The following SRL variants were observed in gnomAD, a reference collection of about 807,000 sequenced individuals.
SRL encodes sarcalumenin.
A neutral mutation model predicts 39.5 loss-of-function variants in SRL; 23 were observed. The observed-to-expected ratio is 0.58, with a 90% CI of 0.42 to 0.82. The LOEUF is 0.82. Ranked by LOEUF, SRL falls within the 40% of genes least tolerant of loss-of-function variation. The probability of loss-of-function intolerance (pLI) is 0.00; values close to 1 mark genes in which losing one functional copy is unlikely to be tolerated. For synonymous variants in SRL, 272 were observed against 237.4 expected, an observed-to-expected ratio of 1.15 and a Z score of -1.34; for missense variants, 592 against 607.8, an observed-to-expected ratio of 0.97 and a Z score of 0.27.
intron 1 of SRL, among the ~76,000 whole-genome samples, chr16:4,235,354 A>G (rs1427439471): frequency 6.6e-6 from 1 of 152,216 alleles, no homozygotes; most frequent in Non-Finnish European, 1.5e-5. Context: ...ACACATCATG[A>G]AGGGGACCTG....
rs770311671 is a variant in SRL, at chr16:4,189,507, C to T, written c.*2646G>A. 2 of 152,182 alleles carry T rather than the reference C, an allele frequency of 1.3e-5. No homozygotes were observed. Among genetic ancestry groups the T allele is most frequent in the Non-Finnish European group, 2.9e-5 (2 of 68,116 alleles). 9.4% of individuals were successfully genotyped at this position (152,182 alleles called of 1,614,324 possible). The stretch of plus-strand genomic sequence containing the variant: ...GGGAATCTCTGGATCATTAAGTTTC[C>T]CCCAGTTCCTAATCCCCCACCCCAA... On this transcript the variant is annotated 3_prime_UTR_variant, in exon 6 of 6. Coordinates refer to ENST00000399609, the MANE Select transcript of SRL (RefSeq NM_001098814.2).
intron 4 of SRL, among the ~76,000 whole-genome samples, 178 bp from the exon 5 acceptor site, chr16:4,195,964 C>CT (rs1222358715): frequency 2.0e-5 from 3 of 151,836 alleles, no homozygotes; most frequent in East Asian, 1.9e-4. Context: ...TAAAATTTAC[C>CT]TTTTTTTTCT....
chr16:4,241,882 G>A (rs2052776695), intron 1 of SRL, 125 bp downstream of exon 1: 6 of 987,654 alleles, frequency 6.1e-6, no homozygotes, highest in Non-Finnish European at 9.2e-6. Flanking sequence ...AGGGTAAGAA[G>A]ACACCAGCCA....
At position 4,195,672 on chromosome 16, in the gene SRL, T is replaced by C. The variant is rs959310179; in HGVS notation, c.491A>G (p.Lys164Arg). ...DSARSFSPLE[K>R]FGQNFLEKLI... ...CTTCTCTAGGAAATTCTGGCCAAAC[T>C]TCTCAAGGGGTGAGAAGGAACGGGC... is the stretch of plus-strand genomic sequence containing the variant. The change falls in exon 5 of 6, where the codon AAG (lysine) becomes AGG (arginine). Residue 164 changes from lysine to arginine, a missense_variant. By Grantham distance (26) the Lys-to-Arg change is conservative. Transcript: ENST00000399609. The C allele has an allele frequency of 1.2e-6, 2 of 1,614,132 alleles. No homozygotes were observed. The highest frequency in any genetic ancestry group is 1.7e-6 in the Non-Finnish European group (2 of 1,180,026).
At chr16:4,238,968 A>C (rs2052743457) in intron 1 of SRL, among the ~76,000 whole-genome samples, 1 of 152,114 alleles carries the variant, frequency 6.6e-6, no homozygotes, top group African/African-American at 2.4e-5. Context: ...GACCCAGTCT[A>C]GTGCATTCCA....
At chr16:4,193,444 C>T (rs1332896859) in intron 5 of SRL, among the ~76,000 whole-genome samples, 1 of 152,136 alleles carries the variant, frequency 6.6e-6, no homozygotes, top group Non-Finnish European at 1.5e-5. Context: ...GGCAAAGATG[C>T]TGAGGGAGAG....
At chr16:4,207,456 G>A in intron 1 of SRL, 2 of 456,870 alleles carry the variant, frequency 4.4e-6, no homozygotes. Flanking sequence ...CTCTGGCACT[G>A]CAGGCTCCTC....
At chr16:4,199,304 T>C (rs923058425) in intron 3 of SRL, among the ~76,000 whole-genome samples, 4 of 151,886 alleles carry the variant, frequency 2.6e-5, no homozygotes, top group Non-Finnish European at 4.4e-5. Context: ...ACTTCTTACA[T>C]GTTATTTTAG....
rs2052037653 is a variant in SRL, at chr16:4,189,679, GA to G, written c.*2473del. The G allele has an allele frequency of 6.6e-6, 1 of 152,432 alleles. No homozygotes were observed. Among genetic ancestry groups the G allele is most frequent in the South Asian group, 2.1e-4 (1 of 4,830 alleles). 9.4% of individuals were successfully genotyped at this position (152,432 alleles called of 1,614,324 possible). Reference sequence around the variant, plus strand: ...CACGAAAAGGAAAACATGACGGAAAGAAAAGCCCAAGGCAGGGAGAGCATGC... The same window carrying G: ...CACGAAAAGGAAAACATGACGGAAAGAAAGCCCAAGGCAGGGAGAGCATGC... On this transcript the variant is annotated 3_prime_UTR_variant, in exon 6 of 6. Coordinates refer to ENST00000399609, the MANE Select transcript of SRL (RefSeq NM_001098814.2).
intron 1 of SRL, among the ~76,000 whole-genome samples, chr16:4,209,928 T>C (rs2052372022): frequency 1.3e-5 from 2 of 152,174 alleles, no homozygotes; most frequent in South Asian, 2.1e-4. Context: ...TGCCATGCTG[T>C]GCTTAGCAGG....
chr16:4,222,822 G>A (rs1041640266), intron 1 of SRL, among the ~76,000 whole-genome samples: 1 of 152,128 alleles, frequency 6.6e-6, no homozygotes, highest in Non-Finnish European at 1.5e-5. Flanking sequence ...GGCGAGATGC[G>A]GTGGCTCACG....
At chr16:4,218,753 C>T (rs1012799634) in intron 1 of SRL, among the ~76,000 whole-genome samples, 2 of 152,246 alleles carry the variant, frequency 1.3e-5, no homozygotes, top group African/African-American at 2.4e-5. Flanking sequence ...GGGGAGGTGT[C>T]CTCAGCCATC....
Position 4,190,242 on chromosome 16 carries a change from A to G in SRL, c.*1911T>C, listed in dbSNP as rs34095676. 69,197 of 398,638 alleles carry G rather than the reference A, an allele frequency of 0.17. 6,695 individuals carry two copies. The highest frequency in any genetic ancestry group is 0.24 in the African/African-American group (11,832 of 48,670). 24.7% of individuals were successfully genotyped at this position (398,638 alleles called of 1,614,324 possible). A position where few individuals can be genotyped will look rare whatever the true frequency, so the allele number is the denominator to read the frequency against. ...GAATTCCTAACTCGAGGTTCTCCTC[A>G]TAGACCTAACCTGACTGCCAACTGG... On this transcript the variant is annotated 3_prime_UTR_variant, in exon 6 of 6. Coordinates refer to ENST00000399609, the MANE Select transcript of SRL (RefSeq NM_001098814.2).
At chr16:4,212,843 AG>A (rs2052410978) in intron 1 of SRL, among the ~76,000 whole-genome samples, 1 of 151,958 alleles carries the variant, frequency 6.6e-6, no homozygotes, top group Non-Finnish European at 1.5e-5. Context: ...CCAGCCCCAC[AG>A]CCTCAGGGCA....
chr16:4,207,501 A>T (rs1413728630), intron 1 of SRL: 1 of 456,506 alleles, frequency 2.2e-6, no homozygotes, highest in Non-Finnish European at 4.4e-6. Flanking sequence ...CTCTGCGTTC[A>T]GTGGGCCGAC....
intron 3 of SRL, among the ~76,000 whole-genome samples, chr16:4,202,468 C>T (rs1312132282): frequency 1.3e-5 from 2 of 151,950 alleles, no homozygotes; most frequent in Non-Finnish European, 2.9e-5. Context: ...TGGCAGGTGC[C>T]TGTAGTCCCA....
chr16:4,204,698 G>C (rs62039297), intron 1 of SRL, 64 bp from the exon 2 acceptor site: 2 of 1,465,600 alleles, frequency 1.4e-6, no homozygotes, highest in South Asian at 1.1e-5. Context: ...TCTGGGCCCC[G>C]GCACAGCAGA....
chr16:4,208,840 C>A (rs958468793), intron 1 of SRL, among the ~76,000 whole-genome samples: 73 of 152,284 alleles, frequency 4.8e-4, no homozygotes, highest in African/African-American at 1.7e-3. Flanking sequence ...AGGCTCTGGC[C>A]AACCCCTTCC....
rs2052083724 is a variant in SRL, at chr16:4,192,690, T to C, written c.885A>G (p.Pro295=). Residue 295 remains proline, a synonymous_variant, in exon 6 of 6, where the codon CCA becomes CCG. Transcript: ENST00000399609. The surrounding 1 kb of genome is among the most constrained non-coding windows in gnomAD (Gnocchi z 4.0). ...PPRVYVSSFW[P]QEYKPDTHQE... ...GATGGGTGTCCGGCTTATACTCTTG[T>C]GGCCAGAAGGAGCTGACGTAAACCC... 2.5e-6 allele frequency: 4 copies of C among 1,614,146 alleles called. No individual in the cohort carries two copies. In the East Asian group the frequency reaches 8.9e-5, roughly 36 times the overall value.
Sources: allele counts gnomAD v4.1 joint callset (sites outside exome capture counted in the v4.1 genomes callset), GRCh38; gene constraint gnomAD v4.1.1; non-coding constraint Gnocchi (gnomAD v3.1); transcripts MANE v1.5; gene names NCBI Gene and HGNC (gene_info 2026-07-23, HGNC 2026-07-21).